Variants in TAFA2 observed in about 807,000 individuals in gnomAD.
The protein encoded by TAFA2 is TAFA chemokine like family member 2.
TAFA2 carries 7 observed loss-of-function variants against 18.8 expected under a neutral mutation model. The observed-to-expected ratio is 0.37, with a 90% CI of 0.21 to 0.70. The LOEUF is 0.70. TAFA2 is among the 30% of genes least tolerant of loss of function. The pLI is 0.53. For missense variants in TAFA2, 122 were observed against 158.1 expected (o/e 0.77, Z 1.23); for synonymous variants, 60 against 54.2 (o/e 1.11, Z -0.47).
intron 2 of TAFA2, among the ~76,000 whole-genome samples, chr12:61,854,011 T>C (rs1351641812): frequency 6.6e-6 from 1 of 152,136 alleles, no homozygotes; most frequent in Non-Finnish European, 1.5e-5. Flanking sequence ...CTAGTGGTTC[T>C]CCAACAAGAG....
intron 1 of TAFA2, among the ~76,000 whole-genome samples, chr12:62,081,751 C>T (rs1008750310): frequency 6.6e-6 from 1 of 152,116 alleles, no homozygotes; most frequent in Non-Finnish European, 1.5e-5. Flanking sequence ...TCCCAAAGTG[C>T]TGTGATTACA....
Position 62,087,188 on chromosome 12 carries a change from T to C in TAFA2, c.-2+104071A>G, listed in dbSNP as rs148792056. On this transcript the variant is annotated intron_variant, in intron 1 of 4. Coordinates refer to ENST00000416284, the MANE Select transcript of TAFA2 (RefSeq NM_178539.5). The stretch of plus-strand genomic sequence containing the variant: ...CTTGGTGGGTGTAGAGTTATGGGAC[T>C]GGGAAGCTGAAAAAAGTCATGGAGA... 5.0e-3 allele frequency among the ~76,000 whole-genome samples: 759 copies of C among 152,136 alleles called. 5 individuals are homozygous for C. The highest frequency in any genetic ancestry group is 7.8e-3 in the Non-Finnish European group (532 of 67,974).
At chr12:62,073,092 T>C (rs1210772649) in intron 1 of TAFA2, among the ~76,000 whole-genome samples, 1 of 152,226 alleles carries the variant, frequency 6.6e-6, no homozygotes, top group Non-Finnish European at 1.5e-5. Context: ...CTGCTTCTGA[T>C]GGCAGGAAGT....
chr12:62,079,833 G>A (rs1868292992), intron 1 of TAFA2, among the ~76,000 whole-genome samples: 1 of 152,132 alleles, frequency 6.6e-6, no homozygotes, highest in South Asian at 2.1e-4. Context: ...CACACTAACA[G>A]CAAAGTCAGT....
chr12:62,194,702 A>T (rs1033603555), upstream of TAFA2, among the ~76,000 whole-genome samples: 8 of 152,232 alleles, frequency 5.3e-5, no homozygotes, highest in Non-Finnish European at 8.8e-5. Flanking sequence ...AAGGAAACAA[A>T]GTAGTAAAGA....
At chr12:61,928,551 C>T (rs1877409378) in intron 1 of TAFA2, among the ~76,000 whole-genome samples, 1 of 152,086 alleles carries the variant, frequency 6.6e-6, no homozygotes, top group Non-Finnish European at 1.5e-5. Flanking sequence ...AATAAGAATG[C>T]TTTTACACTG....
chr12:61,903,310 C>T (rs1032602502), intron 1 of TAFA2, among the ~76,000 whole-genome samples: 3 of 152,140 alleles, frequency 2.0e-5, no homozygotes, highest in Non-Finnish European at 4.4e-5. Flanking sequence ...TGTGAAACTG[C>T]CAAACTCAAG....
intron 1 of TAFA2, among the ~76,000 whole-genome samples, chr12:62,040,940 A>G (rs1003216508): frequency 6.6e-5 from 10 of 152,188 alleles, no homozygotes; most frequent in Admixed American, 2.6e-4. Context: ...AGGCCATGTG[A>G]TTAGGAAATC....
intron 1 of TAFA2, among the ~76,000 whole-genome samples, chr12:62,035,377 C>T (rs1881570293): frequency 6.6e-6 from 1 of 152,092 alleles, no homozygotes; most frequent in African/African-American, 2.4e-5. Flanking sequence ...TGTCCAAGGA[C>T]AGGAATACAT....
chr12:61,890,330 G>A (rs1357968630), intron 1 of TAFA2: 4 of 152,222 alleles, frequency 2.6e-5, no homozygotes, highest in Non-Finnish European at 5.9e-5. Flanking sequence ...CATTACTCCA[G>A]GTACAAGATA....
At chr12:62,122,743 A>G (rs965972069) in intron 1 of TAFA2, among the ~76,000 whole-genome samples, 10 of 152,170 alleles carry the variant, frequency 6.6e-5, no homozygotes, top group African/African-American at 2.2e-4. Flanking sequence ...TATAACCCCA[A>G]TCACCACAGA....
intron 2 of TAFA2, among the ~76,000 whole-genome samples, chr12:61,830,590 A>C (rs556677673): frequency 6.6e-6 from 1 of 152,000 alleles, no homozygotes; most frequent in African/African-American, 2.4e-5. Context: ...TGGGAGACTC[A>C]GAAAAATGGG....
At chr12:62,085,839 G>T (rs899647323) in intron 1 of TAFA2, among the ~76,000 whole-genome samples, 2 of 152,104 alleles carry the variant, frequency 1.3e-5, no homozygotes, top group Non-Finnish European at 2.9e-5. Flanking sequence ...TCCAGTGATG[G>T]GGGAGGGACC....
chr12:61,784,404 T>A (rs1320419221), intron 2 of TAFA2, among the ~76,000 whole-genome samples: 2 of 151,528 alleles, frequency 1.3e-5, no homozygotes, highest in Admixed American at 6.6e-5. Context: ...TGAGGCATAA[T>A]CCATCTCTCG....
At chr12:61,795,179 T>G (rs79761776) in intron 2 of TAFA2, among the ~76,000 whole-genome samples, 46,802 of 152,080 alleles carry the variant, frequency 0.31, 7,441 homozygotes, top group South Asian at 0.4. Context: ...TGGCAATTCC[T>G]AAAGGATCTA....
chr12:61,844,261 T>G (rs1281144615), intron 2 of TAFA2, among the ~76,000 whole-genome samples: 1 of 152,118 alleles, frequency 6.6e-6, no homozygotes, highest in Non-Finnish European at 1.5e-5. Flanking sequence ...ATCTCCACTT[T>G]GAATAAGATT....
At chr12:62,152,897 T>G (rs1364004630) in intron 1 of TAFA2, among the ~76,000 whole-genome samples, 1 of 152,194 alleles carries the variant, frequency 6.6e-6, no homozygotes, top group Non-Finnish European at 1.5e-5. Context: ...TGCCAAGGTA[T>G]TGTGATACGT....
At chr12:61,833,875 C>A (rs12321682) in intron 2 of TAFA2, among the ~76,000 whole-genome samples, 4,209 of 151,998 alleles carry the variant, frequency 0.028, 195 homozygotes, top group African/African-American at 0.095. Flanking sequence ...GACTGTGCAT[C>A]AGAATAATTT....
chr12:61,724,453 G>A (rs868813819), intron 4 of TAFA2, among the ~76,000 whole-genome samples: 3 of 149,782 alleles, frequency 2.0e-5, no homozygotes, highest in African/African-American at 7.4e-5. Context: ...AAGTGCTTTA[G>A]TTGTGATTTC....
Sources: allele counts gnomAD v4.1 joint callset (sites outside exome capture counted in the v4.1 genomes callset), GRCh38; gene constraint gnomAD v4.1.1; transcripts MANE v1.5; gene names NCBI Gene and HGNC (gene_info 2026-07-23, HGNC 2026-07-21).